Variants in TMOD3 observed in about 807,000 individuals in gnomAD.
TMOD3 encodes the protein tropomodulin-3.
In TMOD3, 20 loss-of-function variants were observed where a neutral mutation model predicts 39.2. That is an observed-to-expected ratio of 0.51 (90% CI 0.36 to 0.74). The LOEUF (loss-of-function observed/expected upper bound fraction) is 0.74. Among genes scored for constraint, TMOD3 ranks in the 30% least tolerant of loss-of-function variants. The pLI is 0.00. For synonymous variants in TMOD3, 143 were observed against 145.8 expected (o/e 0.98, Z 0.14); for missense variants, 381 against 412.8 (o/e 0.92, Z 0.67).
chr15:51,836,161 A>G (rs2056282055), intron 1 of TMOD3, among the ~76,000 whole-genome samples: 1 of 152,198 alleles, frequency 6.6e-6, no homozygotes, highest in Non-Finnish European at 1.5e-5. Context: ...CGCACACCAT[A>G]CAATTCACCC....
intron 1 of TMOD3, among the ~76,000 whole-genome samples, chr15:51,846,770 A>G (rs2570243): frequency 0.69 from 104,337 of 152,110 alleles, 37,616 homozygotes; most frequent in East Asian, 1. Flanking sequence ...CCTTATTACC[A>G]TCAGAGACTT....
At chr15:51,904,702 C>T (rs1241122355) in intron 9 of TMOD3, among the ~76,000 whole-genome samples, 2 of 152,174 alleles carry the variant, frequency 1.3e-5, no homozygotes, top group East Asian at 3.8e-4. Flanking sequence ...TTGGTAGACA[C>T]TTTGCCTGCA....
At chr15:51,860,752 A>G (rs761846077) in intron 1 of TMOD3, 15 of 373,820 alleles carry the variant, frequency 4.0e-5, no homozygotes, top group Middle Eastern at 9.2e-4. Flanking sequence ...CCTGACCAAC[A>G]AGGTGAAACC....
intron 1 of TMOD3, among the ~76,000 whole-genome samples, chr15:51,846,024 G>A (rs2056333712): frequency 6.6e-6 from 1 of 151,554 alleles, no homozygotes; most frequent in Non-Finnish European, 1.5e-5. Context: ...AAATTTAAAA[G>A]TACACTACTG....
intron 3 of TMOD3, among the ~76,000 whole-genome samples, chr15:51,879,375 CATT>C (rs1232708023): frequency 6.6e-6 from 1 of 151,076 alleles, no homozygotes; most frequent in East Asian, 1.9e-4. Flanking sequence ...CTGATCTCAT[CATT>C]GTTTATTTTT....
rs568472372 is a variant in TMOD3, at chr15:51,905,457, A to G, written c.1025-3319A>G. On this transcript the variant is annotated intron_variant, in intron 9 of 9. Transcript: ENST00000308580. ...AGCCGAGATTGCACCACTGTACTCC[A>G]GCCTGGGCTACAGAGTGAGACTTTG... Among the ~76,000 whole-genome samples, 4 of 151,830 alleles carry G rather than the reference A, an allele frequency of 2.6e-5. No homozygotes were observed. The East Asian group carries it at 7.9e-4, about 30-fold the overall frequency.
chr15:51,866,448 AC>A (rs2056445920), intron 2 of TMOD3, among the ~76,000 whole-genome samples: 1 of 151,650 alleles, frequency 6.6e-6, no homozygotes, highest in Non-Finnish European at 1.5e-5. Flanking sequence ...GTAGAGCAAG[AC>A]CCTGTCTCCC....
chr15:51,899,371 A>T (rs190961566), intron 7 of TMOD3, among the ~76,000 whole-genome samples: 23 of 152,312 alleles, frequency 1.5e-4, no homozygotes, highest in African/African-American at 5.5e-4. Flanking sequence ...GGTACATATG[A>T]AAAATAGGTA....
At chr15:51,861,494 C>T (rs748125808) in intron 1 of TMOD3, among the ~76,000 whole-genome samples, 3 of 152,106 alleles carry the variant, frequency 2.0e-5, no homozygotes, top group Admixed American at 6.6e-5. Flanking sequence ...TAAAATGTTA[C>T]TGGTTTGCAG....
At chr15:51,894,484 G>A (rs1016257117) in intron 6 of TMOD3, among the ~76,000 whole-genome samples, 5 of 152,018 alleles carry the variant, frequency 3.3e-5, no homozygotes, top group African/African-American at 1.2e-4. Flanking sequence ...AATTTTGACA[G>A]GTGCATACAA....
chr15:51,909,746 T>C lies in TMOD3; in HGVS notation c.*936T>C, dbSNP rs2056700718. 1 of 152,320 alleles carries C rather than the reference T, an allele frequency of 6.6e-6. No individual in the cohort carries two copies. Among genetic ancestry groups the C allele is most frequent in the East Asian group, 1.9e-4 (1 of 5,186 alleles). The allele number at this position is 152,320 out of a possible 1,614,324, so 9.4% of individuals were successfully genotyped here. ...AACAGTCATTTAAACTGATGGTTAC[T>C]GTAAGTCAGTTGGAAGCTGGCATGT... On this transcript the variant is annotated 3_prime_UTR_variant, in exon 10 of 10. Coordinates refer to ENST00000308580, the MANE Select transcript of TMOD3 (RefSeq NM_014547.5).
rs2056695695 is a variant in TMOD3 at position 51,908,846 on chromosome 15, G to A, written c.*36G>A. ...GTGTAATCTTTGGAAGACTTCAGAA[G>A]ATCACCAAGGGCTCATGTTGGTGAC... On this transcript the variant is annotated 3_prime_UTR_variant, in exon 10 of 10. Coordinates refer to ENST00000308580, the MANE Select transcript of TMOD3 (RefSeq NM_014547.5). 6.4e-7 allele frequency: 1 copy of A among 1,570,700 alleles called. No individual in the cohort carries two copies. Among genetic ancestry groups the A allele is most frequent in the South Asian group, 1.2e-5 (1 of 82,874 alleles).
intron 5 of TMOD3, chr15:51,892,549 T>A (rs1007070503): frequency 9.9e-5 from 15 of 152,160 alleles, no homozygotes; most frequent in African/African-American, 3.6e-4. Context: ...CAGTAGCTCT[T>A]CTGTGTACCT....
intron 1 of TMOD3, among the ~76,000 whole-genome samples, chr15:51,844,765 A>G (rs1055357537): frequency 6.6e-6 from 1 of 152,180 alleles, no homozygotes; most frequent in East Asian, 1.9e-4. Flanking sequence ...AAACATGTCT[A>G]ACTTTATTAT....
intron 3 of TMOD3, 97 bp downstream of exon 3, chr15:51,869,470 T>A: frequency 8.5e-7 from 1 of 1,177,502 alleles, no homozygotes; most frequent in Non-Finnish European, 1.2e-6. Context: ...GGTACATCAT[T>A]GGTAGCCTTA....
At chr15:51,902,351 A>T (rs187743731) in intron 9 of TMOD3, among the ~76,000 whole-genome samples, 88 of 152,106 alleles carry the variant, frequency 5.8e-4, no homozygotes, top group Non-Finnish European at 9.7e-4. Flanking sequence ...TTTCAACATT[A>T]TCGGAAAGTT....
chr15:51,889,125 T>G lies in TMOD3; in HGVS notation c.476T>G (p.Val159Gly). ...AATATAATGGGAAGTAGTAATGGTG[T>G]TGACCAAGAACATTTTTCAAGTGAG... ...FCNIMGSSNG[V>G]DQEHFSNVVK... The change falls in exon 5 of 10, where the codon GTT becomes GGT. Residue 159 changes from valine to glycine, a missense_variant. Coordinates refer to ENST00000308580, the MANE Select transcript of TMOD3 (RefSeq NM_014547.5). 6.2e-7 allele frequency: 1 copy of G among 1,602,164 alleles called. No homozygotes were observed.
At chr15:51,897,995 A>G (rs2056630170) in intron 7 of TMOD3, among the ~76,000 whole-genome samples, 1 of 151,926 alleles carries the variant, frequency 6.6e-6, no homozygotes, top group Non-Finnish European at 1.5e-5. Context: ...TATTTTACCT[A>G]CCCCAAAGTC....
chr15:51,899,438 G>C (rs922563592), intron 7 of TMOD3, among the ~76,000 whole-genome samples: 1 of 152,148 alleles, frequency 6.6e-6, no homozygotes, highest in East Asian at 1.9e-4. Context: ...AGCCGAGGTG[G>C]GTGGATTGCT....
Sources: allele counts gnomAD v4.1 joint callset (sites outside exome capture counted in the v4.1 genomes callset), GRCh38; gene constraint gnomAD v4.1.1; transcripts MANE v1.5; gene names NCBI Gene and HGNC (gene_info 2026-07-23, HGNC 2026-07-21).